Variants in XDH observed in about 807,000 individuals in gnomAD.
The protein encoded by XDH is xanthine dehydrogenase/oxidase.
A neutral mutation model predicts 156.1 loss-of-function variants in XDH; 138 were observed. The observed-to-expected ratio is 0.88, with a 90% CI of 0.77 to 1.02. The LOEUF is 1.02. XDH is among the 50% of genes least tolerant of loss of function. The pLI is 0.00. For synonymous variants in XDH, 669 were observed against 625.7 expected, an observed-to-expected ratio of 1.07 and a Z score of -1.03; for missense variants, 1,849 against 1,684.9, an observed-to-expected ratio of 1.10 and a Z score of -1.71.
In XDH at chr2:31,403,137, C is replaced by T. The variant is rs773847071; in HGVS notation, c.108G>A (p.Leu36=). The change falls in exon 3 of 36, where the codon CTG becomes CTA. Residue 36 remains leucine, a synonymous_variant. Transcript: ENST00000379416. Reference sequence around the variant, plus strand: ...CTCCACAGCCGAGCTTGGTTCCACTCAGCCCCACTGGGTGGTCAAGAGTTA... The same window carrying T: ...CTCCACAGCCGAGCTTGGTTCCACTTAGCCCCACTGGGTGGTCAAGAGTTA... ...LLAYLRRKLG[L]SGTKLGCGEG... 2 of 1,614,026 alleles carry T rather than the reference C, an allele frequency of 1.2e-6. 1 individual carries two copies. Among genetic ancestry groups the T allele is most frequent in the South Asian group, 2.2e-5 (2 of 91,088 alleles).
chr2:31,364,040 C>G (rs1685844347), intron 24 of XDH, 118 bp downstream of exon 24: 9 of 862,070 alleles, frequency 1.0e-5, no homozygotes, highest in Admixed American at 9.3e-5. Context: ...AGGTGGGGAC[C>G]CATTAGGAGA....
chr2:31,398,215 G>T (rs45499998), intron 5 of XDH, among the ~76,000 whole-genome samples: 49 of 152,286 alleles, frequency 3.2e-4, no homozygotes, highest in African/African-American at 1.2e-3. Flanking sequence ...TCCTGTTCTG[G>T]TGAAAACTGA....
At chr2:31,395,917 G>A (rs1686891079) in intron 6 of XDH, among the ~76,000 whole-genome samples, 1 of 152,110 alleles carries the variant, frequency 6.6e-6, no homozygotes, top group Non-Finnish European at 1.5e-5. Context: ...CCTGTTTAAT[G>A]GTTCCTCCAT....
rs770370480 is a variant in XDH at position 31,365,530 on chromosome 2, A to G, written c.2471T>C (p.Val824Ala). ...CTCATCACGGTCCAGCATGCATCGCACAGGGCGGCCGGTCCTGGGGGTTAC... is the reference window on the plus strand; with the variant it reads ...CTCATCACGGTCCAGCATGCATCGCGCAGGGCGGCCGGTCCTGGGGGTTAC... ...ALAAYKTGRP[V>A]RCMLDRDEDM... is the part of the protein sequence containing the mutation. The change falls in exon 23 of 36, where the codon GTG (valine) becomes GCG (alanine). Residue 824 changes from valine (V) to alanine (A), a missense_variant. Physicochemically the swap from Val to Ala is moderately conservative, Grantham distance 64. Coordinates refer to ENST00000379416, the MANE Select transcript of XDH (RefSeq NM_000379.4). 84 of 1,614,098 alleles carry G rather than the reference A, an allele frequency of 5.2e-5. No homozygotes were observed. The South Asian group carries it at 8.5e-4, about 16-fold the overall frequency.
At chr2:31,411,371 AATCT>A (rs1687339377) in intron 1 of XDH, among the ~76,000 whole-genome samples, 2 of 151,868 alleles carry the variant, frequency 1.3e-5, no homozygotes, top group Non-Finnish European at 2.9e-5. Flanking sequence ...AAGGTTCAGA[AATCT>A]ATCTTATACT....
Position 31,379,975 on chromosome 2 carries a change from G to T in XDH, c.1134C>A (p.Gly378=). 6.2e-7 allele frequency: 1 copy of T among 1,613,870 alleles called. No homozygotes were observed. Among genetic ancestry groups the T allele is most frequent in the Non-Finnish European group, 8.5e-7 (1 of 1,179,996 alleles). ...SGAKLTLVSR[G]TRRTVQMDHT... Reference sequence around the variant, plus strand: ...GGTCCATCTGGACAGTTCTCCTGGTGCCTGTACAGAAGCAAGATGAAGAGG... The same window carrying T: ...GGTCCATCTGGACAGTTCTCCTGGTTCCTGTACAGAAGCAAGATGAAGAGG... Residue 378 remains glycine (G), a splice_region_variant and synonymous_variant, in exon 13 of 36, where the codon GGC becomes GGA. Coordinates refer to ENST00000379416, the MANE Select transcript of XDH (RefSeq NM_000379.4).
intron 22 of XDH, 107 bp from the exon 23 acceptor site, chr2:31,365,651 C>G: frequency 7.7e-7 from 1 of 1,291,640 alleles, no homozygotes; most frequent in Non-Finnish European, 1.1e-6. Context: ...CACCTGCACG[C>G]TGAGCAGACC....
intron 24 of XDH, among the ~76,000 whole-genome samples, chr2:31,352,863 G>A (rs941386840): frequency 2.0e-5 from 3 of 150,524 alleles, no homozygotes; most frequent in African/African-American, 7.3e-5. Flanking sequence ...GGGGAATGTC[G>A]GCTTTTCCTG....
chr2:31,407,510 C>G (rs1687225481), intron 1 of XDH, among the ~76,000 whole-genome samples: 1 of 152,174 alleles, frequency 6.6e-6, no homozygotes, highest in South Asian at 2.1e-4. Context: ...TGATGGAGAA[C>G]AGCAGCCTGA....
intron 20 of XDH, 68 bp from the exon 21 acceptor site, chr2:31,367,062 A>G: frequency 6.2e-7 from 1 of 1,612,488 alleles, no homozygotes; most frequent in South Asian, 1.1e-5. Flanking sequence ...GCCTAAGGAG[A>G]GAGTATACTC....
chr2:31,382,721 A>G (rs1329096520), intron 11 of XDH, among the ~76,000 whole-genome samples: 1 of 152,192 alleles, frequency 6.6e-6, no homozygotes, highest in Non-Finnish European at 1.5e-5. Flanking sequence ...CTGCAACCAC[A>G]GAATGAAGCC....
At chr2:31,400,773 C>A (rs980919590) in intron 4 of XDH, among the ~76,000 whole-genome samples, 2 of 152,128 alleles carry the variant, frequency 1.3e-5, no homozygotes, top group African/African-American at 4.8e-5. Flanking sequence ...GTACTATCTG[C>A]GGGTGGGAGG....
chr2:31,366,205 C>T lies in XDH; in HGVS notation c.2323-96G>A, dbSNP rs928510265. The T allele has an allele frequency of 3.1e-6, 5 of 1,597,058 alleles. No homozygotes were observed. In the African/African-American group the frequency reaches 5.4e-5, roughly 17 times the overall value. ...TGTCCAACATGCATGGACCTAATTA[C>T]TGCTGCGAATTCTGAAATTCCTTGA... On this transcript the variant is annotated intron_variant, in intron 21 of 35. Coordinates refer to ENST00000379416, the MANE Select transcript of XDH (RefSeq NM_000379.4).
intron 2 of XDH, 119 bp downstream of exon 2, chr2:31,405,788 G>A: frequency 9.1e-7 from 1 of 1,096,318 alleles, no homozygotes; most frequent in Non-Finnish European, 1.4e-6. Flanking sequence ...TCCTAATCCA[G>A]TGCTCTTTCC....
chr2:31,366,233 G>A, intron 21 of XDH, 124 bp from the exon 22 acceptor site: 1 of 1,547,830 alleles, frequency 6.5e-7, no homozygotes, highest in Admixed American at 1.7e-5. Context: ...TTCCTTGATT[G>A]AAAATCCCAT....
At chr2:31,387,266 C>T (rs1686636417) in intron 8 of XDH, among the ~76,000 whole-genome samples, 1 of 152,198 alleles carries the variant, frequency 6.6e-6, no homozygotes, top group Admixed American at 6.5e-5. Context: ...ACTTCAAAAA[C>T]TCCGAGTGGC....
At chr2:31,400,199 A>C (rs1687016934) in intron 4 of XDH, among the ~76,000 whole-genome samples, 1 of 150,758 alleles carries the variant, frequency 6.6e-6, no homozygotes, top group Non-Finnish European at 1.5e-5. Context: ...CAAATAATCA[A>C]GGGAGGATTA....
chr2:31,382,156 G>A (rs182497157), intron 11 of XDH, among the ~76,000 whole-genome samples: 9 of 152,272 alleles, frequency 5.9e-5, no homozygotes, highest in African/African-American at 1.7e-4. Context: ...CAAAAAAAAT[G>A]TAAGAAGAAT....
intron 6 of XDH, among the ~76,000 whole-genome samples, chr2:31,390,328 G>A (rs979786422): frequency 3.9e-5 from 6 of 152,166 alleles, no homozygotes; most frequent in Admixed American, 3.9e-4. Flanking sequence ...GTTTGTCTAT[G>A]TCTTTTCATA....
Sources: gnomAD v4.1 joint callset for allele counts (sites outside exome capture counted in the v4.1 genomes callset) on GRCh38, gnomAD v4.1.1 for gene constraint, MANE v1.5 for transcripts, NCBI Gene and HGNC (gene_info 2026-07-23, HGNC 2026-07-21) for gene names.